Variants in PAPPA observed in about 807,000 individuals in gnomAD.
PAPPA encodes pappalysin 1.
Under a neutral mutation model 164.0 loss-of-function variants are expected in PAPPA, and 60 were observed. The observed-to-expected ratio is 0.37, with a 90% confidence interval of 0.30 to 0.45. The LOEUF is 0.45. Among genes scored for constraint, PAPPA ranks in the 20% least tolerant of loss-of-function variants. The probability of loss-of-function intolerance (pLI) is 1.00; values close to 1 mark genes in which losing one functional copy is unlikely to be tolerated. For missense variants in PAPPA, 1,782 were observed against 2,087.3 expected (o/e 0.85, Z 2.85); for synonymous variants, 875 against 814.1 (o/e 1.07, Z -1.27).
chr9:116,333,038 G>A (rs1159735570), intron 12 of PAPPA, among the ~76,000 whole-genome samples: 1 of 152,112 alleles, frequency 6.6e-6, no homozygotes, highest in African/African-American at 2.4e-5. Context: ...GTTCTACCAT[G>A]GGAGGACCTC....
chr9:116,379,815 G>A (rs1377231828), intron 20 of PAPPA, among the ~76,000 whole-genome samples: 2 of 152,138 alleles, frequency 1.3e-5, no homozygotes, highest in East Asian at 3.8e-4. Context: ...ATTTTGGAGA[G>A]GTAACATTTG....
intron 9 of PAPPA, among the ~76,000 whole-genome samples, chr9:116,288,352 G>A (rs1845367831): frequency 6.6e-6 from 1 of 152,048 alleles, no homozygotes; most frequent in Non-Finnish European, 1.5e-5. Flanking sequence ...CCAGGTGACA[G>A]AGCGCACTCA....
At chr9:116,229,495 T>C (rs1303926428) in intron 6 of PAPPA, among the ~76,000 whole-genome samples, 1 of 152,180 alleles carries the variant, frequency 6.6e-6, no homozygotes, top group Non-Finnish European at 1.5e-5. Context: ...AAACTACTAA[T>C]AGATATAACC....
chr9:116,267,902 A>G (rs1032826937), intron 8 of PAPPA, among the ~76,000 whole-genome samples: 1 of 151,320 alleles, frequency 6.6e-6, no homozygotes, highest in Non-Finnish European at 1.5e-5. Context: ...AAAAAAAAAA[A>G]AAAAAAAGAA....
chr9:116,302,990 C>A (rs1845598637), intron 10 of PAPPA, 40 bp downstream of exon 10: 1 of 1,572,122 alleles, frequency 6.4e-7, no homozygotes, highest in Non-Finnish European at 8.7e-7. Flanking sequence ...TGCAGACATT[C>A]AAAGTCTCCG....
At chr9:116,376,079 G>A (rs1846646946) in intron 19 of PAPPA, among the ~76,000 whole-genome samples, 2 of 146,404 alleles carry the variant, frequency 1.4e-5, no homozygotes, top group Admixed American at 1.4e-4. Context: ...AGAGTGCAGT[G>A]GTATGATGTC....
intron 11 of PAPPA, among the ~76,000 whole-genome samples, chr9:116,331,572 G>A (rs186801250): frequency 6.6e-6 from 1 of 152,266 alleles, no homozygotes; most frequent in African/African-American, 2.4e-5. Context: ...CAAAGAGTTT[G>A]GATACATCTT....
intron 19 of PAPPA, among the ~76,000 whole-genome samples, chr9:116,369,646 G>A (rs1846547189): frequency 6.6e-6 from 1 of 152,006 alleles, no homozygotes; most frequent in Non-Finnish European, 1.5e-5. Context: ...CCTACCCCCT[G>A]GGCAAATTCC....
intron 4 of PAPPA, among the ~76,000 whole-genome samples, chr9:116,215,698 A>C (rs1159417726): frequency 1.3e-5 from 2 of 152,160 alleles, no homozygotes; most frequent in African/African-American, 4.8e-5. Flanking sequence ...CCTTGATACA[A>C]GTTTACCTAT....
At chr9:116,356,928 T>G (rs1474578191) in intron 17 of PAPPA, among the ~76,000 whole-genome samples, 2 of 152,166 alleles carry the variant, frequency 1.3e-5, no homozygotes, top group African/African-American at 2.4e-5. Context: ...ACCTGCACGT[T>G]CTGCACATGT....
intron 9 of PAPPA, among the ~76,000 whole-genome samples, chr9:116,297,696 G>A (rs1369016521): frequency 6.6e-6 from 1 of 152,080 alleles, no homozygotes; most frequent in East Asian, 1.9e-4. Context: ...AATAGCTCAT[G>A]CATCCTCTTT....
chr9:116,362,824 C>G, intron 18 of PAPPA, 85 bp downstream of exon 18: 1 of 1,354,396 alleles, frequency 7.4e-7, no homozygotes, highest in Non-Finnish European at 1.0e-6. Flanking sequence ...TCATTGAACA[C>G]CCTGGCCACA....
Position 116,187,405 on chromosome 9 carries a change from C to T in PAPPA, c.667C>T (p.Gln223Ter). Reference protein sequence around the residue: ...NGAQVATSGEQVGGIFSPLTQ... With the variant: ...NGAQVATSGE ...TGCCCAGGTGGCCACCTCTGGGGAA[C>T]AAGTGGGTGGCATATTCAGCCCACT... Residue 223 changes from glutamine to a stop codon, truncating the protein, a stop_gained, in exon 2 of 22, where the codon CAA becomes TAA. Coordinates refer to ENST00000328252, the MANE Select transcript of PAPPA (RefSeq NM_002581.5). LOFTEE classifies it high-confidence loss of function. The surrounding 1 kb of genome is among the most constrained non-coding windows in gnomAD (Gnocchi z 4.2). The T allele has an allele frequency of 6.2e-7, 1 of 1,614,116 alleles. No homozygotes were observed. The highest frequency in any genetic ancestry group is 8.5e-7 in the Non-Finnish European group (1 of 1,180,034).
intron 1 of PAPPA, among the ~76,000 whole-genome samples, chr9:116,183,038 A>G (rs1225768792): frequency 6.6e-6 from 1 of 152,202 alleles, no homozygotes; most frequent in Non-Finnish European, 1.5e-5. Flanking sequence ...GTTTTGCCAC[A>G]TGGGACTATA....
At position 116,154,330 on chromosome 9, in the gene PAPPA, G is replaced by A. The variant is rs1843572454; in HGVS notation, c.158G>A (p.Arg53His). 1 of 843,118 alleles carries A rather than the reference G, an allele frequency of 1.2e-6. No individual in the cohort carries two copies. Among genetic ancestry groups the A allele is most frequent in the Non-Finnish European group, 1.4e-6 (1 of 704,480 alleles). 52.2% of individuals were successfully genotyped at this position (843,118 alleles called of 1,614,324 possible). A position where few individuals can be genotyped will look rare whatever the true frequency, so the allele number is the denominator to read the frequency against. The change falls in exon 1 of 22, where the codon CGC (arginine) becomes CAC (histidine). Residue 53 changes from arginine to histidine, a missense_variant. Physicochemically the swap from Arg to His is conservative, Grantham distance 29. Around this residue, in one of 2 missense-constraint regions of PAPPA, gnomAD observed 458 missense variants for 430.3 expected, o/e 1.06. Coordinates refer to ENST00000328252, the MANE Select transcript of PAPPA (RefSeq NM_002581.5). The surrounding 1 kb of genome is among the most constrained non-coding windows in gnomAD (Gnocchi z 5.2). ...GPATCATRAA[R>H]GRRASPPPPP... ...GCCACCTGCGCCACCCGGGCGGCCCGCGGCCGCCGCGCCTCGCCGCCGCCG... is the reference window on the plus strand; with the variant it reads ...GCCACCTGCGCCACCCGGGCGGCCCACGGCCGCCGCGCCTCGCCGCCGCCG...
chr9:116,394,081 A>G (rs1846929970), intron 21 of PAPPA, among the ~76,000 whole-genome samples: 1 of 152,192 alleles, frequency 6.6e-6, no homozygotes, highest in Admixed American at 6.5e-5. Flanking sequence ...TAGAGAAGAC[A>G]TTAGAGGTAA....
intron 7 of PAPPA, among the ~76,000 whole-genome samples, chr9:116,251,020 A>G (rs943908904): frequency 2.0e-5 from 3 of 152,158 alleles, no homozygotes; most frequent in African/African-American, 7.2e-5. Flanking sequence ...ATGAGAGAAC[A>G]CATTTGGCTA....
intron 21 of PAPPA, among the ~76,000 whole-genome samples, chr9:116,384,270 T>TTAATAATAATAAA (rs1846773535): frequency 7.2e-6 from 1 of 138,270 alleles, no homozygotes; most frequent in African/African-American, 2.7e-5. Flanking sequence ...CTACACGTAA[T>TTAATAATAATAAA]TAATAATAAT....
chr9:116,314,728 ACAC>A (rs1174183891), intron 10 of PAPPA, among the ~76,000 whole-genome samples: 1 of 152,178 alleles, frequency 6.6e-6, no homozygotes, highest in Non-Finnish European at 1.5e-5. Flanking sequence ...CTGCCTGGAA[ACAC>A]CATCATTTGC....
Sources: allele counts gnomAD v4.1 joint callset (sites outside exome capture counted in the v4.1 genomes callset), GRCh38; gene constraint gnomAD v4.1.1; regional missense constraint gnomAD v4.1.1; non-coding constraint Gnocchi (gnomAD v3.1); transcripts MANE v1.5; gene names NCBI Gene and HGNC (gene_info 2026-07-23, HGNC 2026-07-21).